Variants in TGM2 observed in about 807,000 individuals in gnomAD.
TGM2 encodes protein-glutamine gamma-glutamyltransferase 2.
In TGM2, 53 loss-of-function variants were observed where a neutral mutation model predicts 75.6. The ratio of observed to expected loss-of-function variants is 0.70; its 90% CI spans 0.56 to 0.88. The LOEUF (loss-of-function observed/expected upper bound fraction) is 0.88, where lower values mean the gene tolerates loss of function less well. TGM2 is among the 40% of genes least tolerant of loss of function. TGM2 has a pLI of 0.00. For missense variants in TGM2, 842 were observed against 928.5 expected (o/e 0.91, Z 1.21); for synonymous variants, 374 against 381.1 (o/e 0.98, Z 0.22).
At chr20:38,155,579 C>T (rs2075174158) in intron 3 of TGM2, among the ~76,000 whole-genome samples, 1 of 152,136 alleles carries the variant, frequency 6.6e-6, no homozygotes, top group Non-Finnish European at 1.5e-5. Flanking sequence ...TCCTGGCTCG[C>T]TCAAGTGATT....
intron 3 of TGM2, among the ~76,000 whole-genome samples, chr20:38,153,528 A>AAAAAAAAAAAACAAAGAAAAG (rs56670550): frequency 8.0e-6 from 1 of 125,254 alleles, no homozygotes; most frequent in Non-Finnish European, 1.6e-5. Flanking sequence ...TGGTCTCAAA[A>AAAAAAAAAAAACAAAGAAAAG]AAAAGAAAAA....
At position 38,130,332 on chromosome 20, in the gene TGM2, T is replaced by C; in HGVS notation, c.1951A>G (p.Arg651Gly). The change falls in exon 13 of 13, where the codon AGA (arginine) becomes GGA (glycine). Residue 651 changes from arginine to glycine, a missense_variant. Arg to Gly is a moderately radical substitution (Grantham distance 125, BLOSUM62 -2). Transcript: ENST00000361475. ...PVEAGEEVKVRMDLLPLHMGL... is the reference protein window; with the variant it reads ...PVEAGEEVKVGMDLLPLHMGL... The stretch of plus-strand genomic sequence containing the variant: ...ATGTGGAGCGGCAGCAGGTCCATTC[T>C]CACCTTAACTTCCTCCCCTGCCTCC... 1.9e-6 allele frequency: 3 copies of C among 1,605,414 alleles called. No homozygotes were observed. Among genetic ancestry groups the C allele is most frequent in the Non-Finnish European group, 2.5e-6 (3 of 1,176,678 alleles).
At chr20:38,166,597 C>A (rs908941077), upstream of TGM2, 3 of 152,252 alleles carry the variant, frequency 2.0e-5, no homozygotes, top group Admixed American at 6.5e-5. Context: ...CATTCCGGAG[C>A]AAGCTCTACA....
At position 38,138,174 on chromosome 20, in the gene TGM2, C is replaced by T; in HGVS notation, c.1554G>A (p.Gly518=). Residue 518 remains glycine (G), a synonymous_variant, in exon 10 of 13, where the codon GGG becomes GGA. Transcript: ENST00000361475. ...LLCARTVSYN[G]ILGPECGTKY... ...TGGTGCCACACTCGGGCCCCAAGATCCCATTGTAGCTGACGGTGCGGGCAC... is the reference window on the plus strand; with the variant it reads ...TGGTGCCACACTCGGGCCCCAAGATTCCATTGTAGCTGACGGTGCGGGCAC... 1.2e-6 allele frequency: 2 copies of T among 1,606,502 alleles called. No homozygotes were observed. The highest frequency in any genetic ancestry group is 1.7e-6 in the Non-Finnish European group (2 of 1,176,544).
In TGM2 at chr20:38,139,610, C is replaced by T; in HGVS notation, c.1144G>A (p.Gly382Ser). 6.2e-7 allele frequency: 1 copy of T among 1,614,160 alleles called. No homozygotes were observed. Among genetic ancestry groups the T allele is most frequent in the Non-Finnish European group, 8.5e-7 (1 of 1,180,030 alleles). Residue 382 changes from glycine (G) to serine (S), a missense_variant, in exon 9 of 13, where the codon GGC (glycine) becomes AGC (serine). Transcript: ENST00000361475. Reference protein sequence around the residue: ...GPVPVRAIKEGDLSTKYDAPF... With the variant: ...GPVPVRAIKESDLSTKYDAPF... Reference sequence around the variant, plus strand: ...GCATCGTACTTGGTGCTCAGGTCGCCCTCCTTGATGGCACGAACTGGAACT... The same window carrying T: ...GCATCGTACTTGGTGCTCAGGTCGCTCTCCTTGATGGCACGAACTGGAACT...
intron 5 of TGM2, among the ~76,000 whole-genome samples, chr20:38,147,179 C>T (rs892527151): frequency 1.3e-5 from 2 of 152,014 alleles, no homozygotes; most frequent in South Asian, 2.1e-4. Context: ...CAGGATTGCT[C>T]GGGAGTGACA....
Position 38,138,101 on chromosome 20 carries a change from A to C in TGM2, c.1615+12T>G. ...GGCGGTCAACAAATGCTCCAGGAAC[A>C]CAGGGCTTTACCAGAGAAAGGCTCC... is the stretch of plus-strand genomic sequence containing the variant. On this transcript the variant is annotated intron_variant, in intron 10 of 12. Coordinates refer to ENST00000361475, the MANE Select transcript of TGM2 (RefSeq NM_004613.4). The C allele has an allele frequency of 6.3e-7, 1 of 1,580,000 alleles. No homozygotes were observed. The highest frequency in any genetic ancestry group is 8.6e-7 in the Non-Finnish European group (1 of 1,162,046).
At chr20:38,136,241 C>T (rs1442603933) in intron 10 of TGM2, among the ~76,000 whole-genome samples, 2 of 152,212 alleles carry the variant, frequency 1.3e-5, no homozygotes, top group Non-Finnish European at 2.9e-5. Context: ...ACACTGCAGA[C>T]GCCCCGCCCG....
At chr20:38,151,108 G>T in intron 3 of TGM2, 51 bp from the exon 4 acceptor site, 1 of 1,427,678 alleles carries the variant, frequency 7.0e-7, no homozygotes. Context: ...GAGGCCCAGG[G>T]TCCCTGCAAA....
chr20:38,140,546 C>A (rs946668495), intron 8 of TGM2, among the ~76,000 whole-genome samples: 1 of 152,140 alleles, frequency 6.6e-6, no homozygotes, highest in African/African-American at 2.4e-5. Flanking sequence ...CAGGAAATGA[C>A]CATAGCAGCC....
intron 3 of TGM2, among the ~76,000 whole-genome samples, 176 bp from the exon 4 acceptor site, chr20:38,151,233 G>C (rs1251644407): frequency 1.3e-5 from 2 of 152,202 alleles, no homozygotes; most frequent in African/African-American, 4.8e-5. Flanking sequence ...GAGATAAGGT[G>C]TTATCGGTTA....
chr20:38,131,287 G>A, intron 11 of TGM2, 58 bp from the exon 12 acceptor site: 1 of 1,608,794 alleles, frequency 6.2e-7, no homozygotes, highest in Non-Finnish European at 8.5e-7. Flanking sequence ...TGGGCTGTCT[G>A]CATTCACTGC....
At chr20:38,167,530 G>C (rs2122993118), upstream of TGM2, among the ~76,000 whole-genome samples, 1 of 152,262 alleles carries the variant, frequency 6.6e-6, no homozygotes, top group African/African-American at 2.4e-5. Flanking sequence ...TAGAGATGGA[G>C]GTCTCACTAT....
upstream of TGM2, chr20:38,166,527 G>A (rs1168159550): frequency 6.6e-6 from 1 of 152,244 alleles, no homozygotes; most frequent in East Asian, 1.9e-4. Context: ...AGCGGGAAGG[G>A]TTCCCGGAGA....
intron 10 of TGM2, among the ~76,000 whole-genome samples, chr20:38,137,627 G>A (rs927524078): frequency 2.6e-5 from 4 of 152,158 alleles, no homozygotes; most frequent in African/African-American, 7.2e-5. Context: ...TTTCCAAGGC[G>A]CTGGGTTAGA....
chr20:38,166,914 G>A (rs552710093), upstream of TGM2, among the ~76,000 whole-genome samples: 5 of 152,288 alleles, frequency 3.3e-5, no homozygotes, highest in African/African-American at 9.6e-5. Flanking sequence ...TCACCCGACC[G>A]AGAGGGAAGT....
At position 38,141,379 on chromosome 20, in the gene TGM2, G is replaced by A. The variant is rs1235476791; in HGVS notation, c.1002C>T (p.Phe334=). 1.3e-6 allele frequency: 2 copies of A among 1,579,462 alleles called. No individual in the cohort carries two copies. The highest frequency in any genetic ancestry group is 2.3e-5 in the South Asian group (2 of 86,112). The change falls in exon 8 of 13, where the codon TTC becomes TTT. Residue 334 remains phenylalanine (F), a synonymous_variant. Coordinates refer to ENST00000361475, the MANE Select transcript of TGM2 (RefSeq NM_004613.4). ...TCATCCACGACTCCACCCAGCAGTG[G>A]AAGTTCCTGAGGGGGATAGGGGGGC... is the stretch of plus-strand genomic sequence containing the variant. ...QGDKSEMIWN[F]HCWVESWMTR...
At position 38,142,151 on chromosome 20, in the gene TGM2, G is replaced by T. The variant is rs757938039; in HGVS notation, c.908C>A (p.Ser303Ter). ...AAGGTTGCTGTTCTGGTCATGGGCC[G>T]AGTTGTAGTTGGTCACGACGCGGGT... ...IPTRVVTNYN[S>*]AHDQNSNLLI... The change falls in exon 7 of 13, where the codon TCG becomes TAG. Residue 303 changes from serine (S) to a stop codon, truncating the protein, a stop_gained. Transcript: ENST00000361475. LOFTEE classifies it high-confidence loss of function. 1.2e-6 allele frequency: 2 copies of T among 1,614,186 alleles called. No homozygotes were observed. Among genetic ancestry groups the T allele is most frequent in the Non-Finnish European group, 8.5e-7 (1 of 1,180,034 alleles).
chr20:38,132,503 G>A lies in TGM2; in HGVS notation c.1616-3C>T. The A allele has an allele frequency of 1.2e-6, 2 of 1,614,078 alleles. No individual in the cohort carries two copies. Among genetic ancestry groups the A allele is most frequent in the Non-Finnish European group, 1.7e-6 (2 of 1,179,992 alleles). On this transcript the variant is annotated splice_polypyrimidine_tract_variant and splice_region_variant and intron_variant, in intron 10 of 12. Coordinates refer to ENST00000361475, the MANE Select transcript of TGM2 (RefSeq NM_004613.4). ...GATGCAAAGAGGAACGCTCTTCTCT[G>A]CAGAAGGGGAGAAAGGAGGGTGCTC... is the stretch of plus-strand genomic sequence containing the variant.
Sources: gnomAD v4.1 joint callset for allele counts (sites outside exome capture counted in the v4.1 genomes callset) on GRCh38, gnomAD v4.1.1 for gene constraint, MANE v1.5 for transcripts, NCBI Gene and HGNC (gene_info 2026-07-23, HGNC 2026-07-21) for gene names.